Variants in ACAN observed in about 807,000 individuals in gnomAD.
ACAN encodes the protein aggrecan.
ACAN carries 47 observed loss-of-function variants against 169.1 expected under a neutral mutation model. The ratio of observed to expected loss-of-function variants is 0.28; its 90% CI spans 0.22 to 0.35. The LOEUF is 0.35. Among genes scored for constraint, ACAN ranks in the 10% least tolerant of loss-of-function variants. The pLI is 1.00. For missense variants in ACAN, 2,716 were observed against 2,759.9 expected (o/e 0.98, Z 0.36); for synonymous variants, 1,115 against 1,112.2 (o/e 1.00, Z -0.05).
chr15:88,826,775 T>G (rs560661954), intron 1 of ACAN, among the ~76,000 whole-genome samples: 1 of 152,198 alleles, frequency 6.6e-6, no homozygotes, highest in Non-Finnish European at 1.5e-5. Context: ...ACATTCCCCA[T>G]ATCCCCCTTG....
intron 13 of ACAN, among the ~76,000 whole-genome samples, chr15:88,867,023 C>A (rs1897290997): frequency 6.6e-6 from 1 of 152,196 alleles, no homozygotes. Context: ...TTTTACTGAT[C>A]TCCTGGCAAG....
At position 88,839,914 on chromosome 15, in the gene ACAN, G is replaced by T; in HGVS notation, c.455-98G>T. On this transcript the variant is annotated intron_variant, in intron 3 of 18. Transcript: ENST00000560601. This position sits in a 1 kb window ranked among gnomAD's most constrained non-coding sequence, Gnocchi z 4.5. The stretch of plus-strand genomic sequence containing the variant: ...CAGCCCAGACCAGCCAGTTCCCTAA[G>T]GTCCCTTTGACTATTGCCATAATTC... 1.4e-6 allele frequency: 2 copies of T among 1,423,068 alleles called. No homozygotes were observed. Among genetic ancestry groups the T allele is most frequent in the Non-Finnish European group, 1.9e-6 (2 of 1,045,158 alleles). The allele number at this position is 1,423,068 out of a possible 1,614,324, so 88.2% of individuals were successfully genotyped here.
intron 1 of ACAN, among the ~76,000 whole-genome samples, chr15:88,835,619 G>A (rs577397724): frequency 6.6e-6 from 1 of 152,296 alleles, no homozygotes; most frequent in African/African-American, 2.4e-5. Context: ...GTAAGCTTGA[G>A]ACCTAGGAAG....
Position 88,806,182 on chromosome 15 carries a change from G to A in ACAN, c.-8+2373G>A, listed in dbSNP as rs73463947. Among the ~76,000 whole-genome samples, 397 of 152,284 alleles carry A rather than the reference G, an allele frequency of 2.6e-3. 1 individual carries two copies. Among genetic ancestry groups the A allele is most frequent in the African/African-American group, 9.1e-3 (377 of 41,554 alleles). On this transcript the variant is annotated intron_variant, in intron 1 of 18. Coordinates refer to ENST00000560601, the MANE Select transcript of ACAN (RefSeq NM_001369268.1). ...TAAGAGATTTTTGTGAAGATTAAAA[G>A]ACATAAAGTGGGTGCCTTGTCCAGC...
At position 88,814,619 on chromosome 15, in the gene ACAN, A is replaced by T. The variant is rs148581501; in HGVS notation, c.-8+10810A>T. 1.8e-3 allele frequency among the ~76,000 whole-genome samples: 272 copies of T among 152,330 alleles called. 1 individual carries two copies. The highest frequency in any genetic ancestry group is 6.2e-3 in the African/African-American group (258 of 41,572). The stretch of plus-strand genomic sequence containing the variant: ...ACAATGCATCACTCCAGAGGGCGCC[A>T]TTCCATTGTGGTCCATGGGAATAGC... On this transcript the variant is annotated intron_variant, in intron 1 of 18. Transcript: ENST00000560601. This position sits in a 1 kb window ranked among gnomAD's most constrained non-coding sequence, Gnocchi z 4.0.
Position 88,872,207 on chromosome 15 carries a change from C to G in ACAN, c.7302+122C>G, listed in dbSNP as rs1897397732. 1.2e-6 allele frequency: 1 copy of G among 827,674 alleles called. No homozygotes were observed. Among genetic ancestry groups the G allele is most frequent in the African/African-American group, 1.7e-5 (1 of 59,912 alleles). 51.3% of individuals were successfully genotyped at this position (827,674 alleles called of 1,614,324 possible). The stretch of plus-strand genomic sequence containing the variant: ...GCTTACCAGCTGCTGGACCGGGAAC[C>G]CTTGAGGGCAGGGATTATCTCCTTC... On this transcript the variant is annotated intron_variant, in intron 16 of 18. Transcript: ENST00000560601. This position sits in a 1 kb window ranked among gnomAD's most constrained non-coding sequence, Gnocchi z 5.4.
chr15:88,858,434 C>T lies in ACAN; in HGVS notation c.5849C>T (p.Thr1950Ile), dbSNP rs763076469. 1.2e-6 allele frequency: 2 copies of T among 1,613,716 alleles called. No individual in the cohort carries two copies. The highest frequency in any genetic ancestry group is 2.2e-5 in the South Asian group (2 of 91,088). ...TLVESVTQAP[T>I]AQEAGEGPSG... Reference sequence around the variant, plus strand: ...GTGGAATCTGTAACCCAGGCTCCAACAGCCCAAGAGGCAGGAGAAGGGCCT... The same window carrying T: ...GTGGAATCTGTAACCCAGGCTCCAATAGCCCAAGAGGCAGGAGAAGGGCCT... Residue 1950 changes from threonine (T) to isoleucine (I), a missense_variant, in exon 12 of 19, where the codon ACA becomes ATA. Around this residue, in one of 3 missense-constraint regions of ACAN, gnomAD observed 1,389 missense variants for 1,363.7 expected, o/e 1.02. Coordinates refer to ENST00000560601, the MANE Select transcript of ACAN (RefSeq NM_001369268.1). This position sits in a 1 kb window ranked among gnomAD's most constrained non-coding sequence, Gnocchi z 4.0.
chr15:88,817,379 T>A (rs1350082503), intron 1 of ACAN, among the ~76,000 whole-genome samples: 1 of 152,144 alleles, frequency 6.6e-6, no homozygotes, highest in Non-Finnish European at 1.5e-5. Flanking sequence ...CCTGACCTCA[T>A]GAGCTACCCA....
chr15:88,857,252 A>T lies in ACAN; in HGVS notation c.4667A>T (p.Glu1556Val), dbSNP rs193215219. 22 of 1,613,326 alleles carry T rather than the reference A, an allele frequency of 1.4e-5. No homozygotes were observed. Among genetic ancestry groups the T allele is most frequent in the Admixed American group, 6.7e-5 (4 of 60,002 alleles). ...CTTCCTTCTGGAGGAGAAGGTCTAG[A>T]GACCTCTGCTTCTGAAGTAGGGACT... The part of the protein sequence containing the change: ...SGLPSGGEGL[E>V]TSASEVGTDL... Residue 1556 changes from glutamate to valine, a missense_variant, in exon 12 of 19, where the codon GAG (glutamate) becomes GTG (valine). Glu to Val is a moderately radical substitution (Grantham distance 121). Transcript: ENST00000560601.
intron 13 of ACAN, among the ~76,000 whole-genome samples, chr15:88,865,671 C>T (rs1897268339): frequency 1.3e-5 from 2 of 152,156 alleles, no homozygotes; most frequent in Admixed American, 6.5e-5. Flanking sequence ...CCTCCACTTG[C>T]AAGCTCCTTA....
intron 12 of ACAN, among the ~76,000 whole-genome samples, chr15:88,859,859 G>A (rs1322633861): frequency 6.6e-6 from 1 of 152,136 alleles, no homozygotes; most frequent in African/African-American, 2.4e-5. Flanking sequence ...GAGTAAATCT[G>A]CTGATGGTGT....
Position 88,854,872 on chromosome 15 carries a change from C to T in ACAN, c.2287C>T (p.Pro763Ser). ...TACAGGGATCCTTCCTACTTGGCCT[C>T]CCACTGGCGCAGCAACAGAGGAAAG... is the stretch of plus-strand genomic sequence containing the variant. ...PLPGILPTWP[P>S]TGAATEESTE... The change falls in exon 12 of 19, where the codon CCC becomes TCC. Residue 763 changes from proline (P) to serine (S), a missense_variant. Pro to Ser is a moderately conservative substitution (Grantham distance 74). This residue lies in a region of ACAN where 1,283 missense variants were observed against 1,281.5 expected (regional missense o/e 1.00). Coordinates refer to ENST00000560601, the MANE Select transcript of ACAN (RefSeq NM_001369268.1). 1 of 1,501,050 alleles carries T rather than the reference C, an allele frequency of 6.7e-7. No individual in the cohort carries two copies. The highest frequency in any genetic ancestry group is 1.5e-5 in the South Asian group (1 of 68,656). The allele number at this position is 1,501,050 out of a possible 1,614,324, so 93.0% of individuals were successfully genotyped here.
intron 13 of ACAN, among the ~76,000 whole-genome samples, chr15:88,864,425 G>A (rs575567729): frequency 1.1e-3 from 162 of 152,014 alleles, no homozygotes; most frequent in African/African-American, 3.4e-3. Context: ...ACATCACCAC[G>A]CCTGCCTAAT....
chr15:88,841,842 G>T lies in ACAN; in HGVS notation c.732G>T (p.Val244=), dbSNP rs1245083042. 1.1e-5 allele frequency: 17 copies of T among 1,613,256 alleles called. No homozygotes were observed. The highest frequency in any genetic ancestry group is 1.3e-5 in the African/African-American group (1 of 74,726). ...GIRDTNETYD[V]YCFAEEMEGE... Reference sequence around the variant, plus strand: ...GAGACACCAACGAGACCTATGATGTGTACTGCTTCGCCGAGGAGATGGAGG... The same window carrying T: ...GAGACACCAACGAGACCTATGATGTTTACTGCTTCGCCGAGGAGATGGAGG... Residue 244 remains valine (V), a synonymous_variant, in exon 5 of 19, where the codon GTG becomes GTT. Coordinates refer to ENST00000560601, the MANE Select transcript of ACAN (RefSeq NM_001369268.1).
chr15:88,839,428 C>A lies in ACAN; in HGVS notation c.454+382C>A, dbSNP rs1896592772. Reference sequence around the variant, plus strand: ...GTTCATCCTGGTGTCTTTTCCCTCCCCCTCTCCACTCTTATTCTCAGTTCC... The same window carrying A: ...GTTCATCCTGGTGTCTTTTCCCTCCACCTCTCCACTCTTATTCTCAGTTCC... On this transcript the variant is annotated intron_variant, in intron 3 of 18. Transcript: ENST00000560601. The surrounding 1 kb of genome is among the most constrained non-coding windows in gnomAD (Gnocchi z 4.5). Among the ~76,000 whole-genome samples, 1 of 152,198 alleles carries A rather than the reference C, an allele frequency of 6.6e-6. No homozygotes were observed. Among genetic ancestry groups the A allele is most frequent in the Non-Finnish European group, 1.5e-5 (1 of 68,042 alleles).
chr15:88,850,363 C>T (rs74028837), intron 10 of ACAN: 7,436 of 161,010 alleles, frequency 0.046, 611 homozygotes, highest in African/African-American at 0.17. Context: ...TCACTCCCCA[C>T]TGGACTTCTG....
chr15:88,808,887 A>G (rs1895751350), intron 1 of ACAN, among the ~76,000 whole-genome samples: 1 of 132,526 alleles, frequency 7.5e-6, no homozygotes, highest in South Asian at 2.5e-4. Flanking sequence ...GGGGACAATA[A>G]ATGAAAAGGA....
chr15:88,859,339 G>T lies in ACAN; in HGVS notation c.6754G>T (p.Glu2252Ter). 1 of 1,603,014 alleles carries T rather than the reference G, an allele frequency of 6.2e-7. No individual in the cohort carries two copies. Among genetic ancestry groups the T allele is most frequent in the East Asian group, 2.3e-5 (1 of 44,256 alleles). Reference sequence around the variant, plus strand: ...CTCAGGAGAAGAGACTCACACAGTCGAAACAGCCACCTCCCCAACAGATGC... The same window carrying T: ...CTCAGGAGAAGAGACTCACACAGTCTAAACAGCCACCTCCCCAACAGATGC... ...LYSGEETHTV[E>*]TATSPTDASI... Residue 2252 changes from glutamate to a stop codon, truncating the protein, a stop_gained, in exon 12 of 19, where the codon GAA becomes TAA. Coordinates refer to ENST00000560601, the MANE Select transcript of ACAN (RefSeq NM_001369268.1). LOFTEE classifies it high-confidence loss of function.
At position 88,874,249 on chromosome 15, in the gene ACAN, A is replaced by T. The variant is rs1897457458; in HGVS notation, c.7631-156A>T. ...GGAGGATGAAGGAGAAAAAGCCAGAAAGTCCAAGAAAAATCCAAATCAGGA... is the reference window on the plus strand; with the variant it reads ...GGAGGATGAAGGAGAAAAAGCCAGATAGTCCAAGAAAAATCCAAATCAGGA... On this transcript the variant is annotated intron_variant, in intron 18 of 18. Coordinates refer to ENST00000560601, the MANE Select transcript of ACAN (RefSeq NM_001369268.1). The surrounding 1 kb of genome is among the most constrained non-coding windows in gnomAD (Gnocchi z 7.3). Among the ~76,000 whole-genome samples, 2 of 152,176 alleles carry T rather than the reference A, an allele frequency of 1.3e-5. No homozygotes were observed. The highest frequency in any genetic ancestry group is 4.8e-5 in the African/African-American group (2 of 41,442).
Sources: gnomAD v4.1 joint callset for allele counts (sites outside exome capture counted in the v4.1 genomes callset) on GRCh38, gnomAD v4.1.1 for gene constraint, gnomAD v4.1.1 regional missense constraint, Gnocchi (gnomAD v3.1) non-coding constraint, MANE v1.5 for transcripts, NCBI Gene and HGNC (gene_info 2026-07-23, HGNC 2026-07-21) for gene names.